NAALADL2: variants seen among roughly 807,000 people sequenced by gnomAD.
NAALADL2 encodes N-acetylated alpha-linked acidic dipeptidase like 2.
Under a neutral mutation model 87.2 loss-of-function variants are expected in NAALADL2, and 76 were observed. The observed-to-expected ratio is 0.87, with a 90% CI of 0.72 to 1.05. The LOEUF (loss-of-function observed/expected upper bound fraction) is 1.05, where lower values mean the gene tolerates loss of function less well. Among genes scored for constraint, NAALADL2 ranks in the 50% least tolerant of loss-of-function variants. The probability of loss-of-function intolerance (pLI) is 0.00; values close to 1 mark genes in which losing one functional copy is unlikely to be tolerated. For synonymous variants in NAALADL2, 354 were observed against 331.0 expected, an observed-to-expected ratio of 1.07 and a Z score of -0.75; for missense variants, 1,089 against 945.8, an observed-to-expected ratio of 1.15 and a Z score of -1.99.
At chr3:175,266,093 T>C (rs970432709) in intron 4 of NAALADL2, among the ~76,000 whole-genome samples, 3 of 150,754 alleles carry the variant, frequency 2.0e-5, no homozygotes, top group Non-Finnish European at 4.5e-5. Flanking sequence ...TAGATTTGCA[T>C]TTCAAAATTT....
At chr3:174,860,787 TG>T (rs1726394598) in intron 1 of NAALADL2, among the ~76,000 whole-genome samples, 1 of 152,084 alleles carries the variant, frequency 6.6e-6, no homozygotes, top group African/African-American at 2.4e-5. Context: ...TTTTTTTAAT[TG>T]AATCCCAGAT....
intron 10 of NAALADL2, among the ~76,000 whole-genome samples, chr3:175,582,058 G>T (rs62284486): frequency 0.13 from 19,367 of 152,138 alleles, 1,393 homozygotes; most frequent in Middle Eastern, 0.17. Flanking sequence ...AGAAGAGAAG[G>T]TTAAACTCCA....
intron 2 of NAALADL2, among the ~76,000 whole-genome samples, chr3:175,209,690 T>C (rs949328631): frequency 1.3e-4 from 19 of 150,972 alleles, no homozygotes; most frequent in African/African-American, 4.4e-4. Flanking sequence ...TACTGACACA[T>C]GTAGTAGTTA....
At chr3:174,626,443 C>G (rs759018051) in intron 2 of NAALADL2, among the ~76,000 whole-genome samples, 3 of 151,734 alleles carry the variant, frequency 2.0e-5, no homozygotes, top group Non-Finnish European at 1.5e-5. Context: ...CCTATTTATG[C>G]CTTTGCTTAA....
chr3:174,802,192 C>G (rs954635648), intron 3 of NAALADL2, among the ~76,000 whole-genome samples: 2 of 151,844 alleles, frequency 1.3e-5, no homozygotes, highest in African/African-American at 4.8e-5. Context: ...TTCTTACAAA[C>G]CCATGCCAAG....
chr3:174,974,935 TTTTCAAAAAAGACTA>T (rs1374486499), intron 1 of NAALADL2, among the ~76,000 whole-genome samples: 1 of 152,168 alleles, frequency 6.6e-6, no homozygotes, highest in Non-Finnish European at 1.5e-5. Flanking sequence ...GACAATTCAA[TTTTCAAAAAAGACTA>T]TTTTTGAAAT....
chr3:174,793,072 G>A (rs1352278059), intron 3 of NAALADL2, among the ~76,000 whole-genome samples: 11 of 152,060 alleles, frequency 7.2e-5, no homozygotes, highest in Non-Finnish European at 2.9e-5. Context: ...CACTTAAAAG[G>A]TGTTGGCAAA....
intron 2 of NAALADL2, among the ~76,000 whole-genome samples, chr3:174,720,825 G>A (rs1375066398): frequency 6.6e-6 from 1 of 152,212 alleles, no homozygotes; most frequent in South Asian, 2.1e-4. Flanking sequence ...CTTGCCGTTC[G>A]AATGTAGTAT....
intron 1 of NAALADL2, among the ~76,000 whole-genome samples, chr3:174,997,878 GATATAA>G (rs1198475403): frequency 6.6e-6 from 1 of 151,596 alleles, no homozygotes; most frequent in African/African-American, 2.4e-5. Context: ...GAAAGAGGGT[GATATAA>G]ATAGAAACCA....
chr3:175,236,607 T>C (rs1174323686), intron 3 of NAALADL2, among the ~76,000 whole-genome samples: 2 of 150,696 alleles, frequency 1.3e-5, no homozygotes, highest in Non-Finnish European at 2.9e-5. Context: ...AGATATTGTA[T>C]ACTTCTAATT....
chr3:175,155,165 A>G (rs2068643215), intron 2 of NAALADL2, among the ~76,000 whole-genome samples: 1 of 152,088 alleles, frequency 6.6e-6, no homozygotes, highest in Non-Finnish European at 1.5e-5. Context: ...CCTGAGTCCC[A>G]CCTCAGGTCT....
chr3:174,647,149 C>G (rs111594454), intron 2 of NAALADL2, among the ~76,000 whole-genome samples: 2,838 of 152,254 alleles, frequency 0.019, 37 homozygotes, highest in Non-Finnish European at 0.028. Flanking sequence ...TTTATACAAT[C>G]TCATTGACTT....
chr3:175,079,670 T>C (rs532858695), intron 1 of NAALADL2, among the ~76,000 whole-genome samples: 15 of 152,302 alleles, frequency 9.8e-5, no homozygotes, highest in African/African-American at 3.4e-4. Context: ...GAATAAGATA[T>C]AGACTAGGGA....
intron 13 of NAALADL2, among the ~76,000 whole-genome samples, chr3:175,796,681 C>CT (rs1389507757): frequency 6.6e-6 from 1 of 152,134 alleles, no homozygotes; most frequent in Admixed American, 6.5e-5. Context: ...TTTAGCTGAA[C>CT]TTTTCTCTCT....
intron 1 of NAALADL2, among the ~76,000 whole-genome samples, chr3:174,869,527 A>G (rs1375681496): frequency 6.6e-6 from 1 of 152,182 alleles, no homozygotes; most frequent in African/African-American, 2.4e-5. Flanking sequence ...GAGTGTAATG[A>G]CAAATTCGCT....
intron 11 of NAALADL2, chr3:175,718,622 C>T (rs1234711159): frequency 1.3e-5 from 20 of 1,592,542 alleles, no homozygotes; most frequent in Middle Eastern, 1.7e-4. Flanking sequence ...TTCCAACAGT[C>T]GGAAATTGCG....
intron 2 of NAALADL2, among the ~76,000 whole-genome samples, chr3:174,629,758 C>A (rs76038756): frequency 0.025 from 3,768 of 152,278 alleles, 158 homozygotes; most frequent in African/African-American, 0.086. Flanking sequence ...TCTTCCTTCA[C>A]TGACTTTTAC....
At chr3:175,777,187 A>T (rs1750361999) in intron 13 of NAALADL2, among the ~76,000 whole-genome samples, 1 of 151,788 alleles carries the variant, frequency 6.6e-6, no homozygotes, top group Admixed American at 6.6e-5. Context: ...TTTTTCTGTC[A>T]TCTGTGAGTT....
chr3:175,422,581 GA>G (rs556466834), intron 5 of NAALADL2, among the ~76,000 whole-genome samples: 16 of 148,882 alleles, frequency 1.1e-4, no homozygotes, highest in East Asian at 9.8e-4. Flanking sequence ...AGGTAGAAGA[GA>G]AAAAAAAAAT....
Sources: allele counts gnomAD v4.1 joint callset (sites outside exome capture counted in the v4.1 genomes callset), GRCh38; gene constraint gnomAD v4.1.1; transcripts MANE v1.5; gene names NCBI Gene and HGNC (gene_info 2026-07-23, HGNC 2026-07-21).